The following C12orf42 variants were observed in gnomAD, a reference collection of about 807,000 sequenced individuals.
C12orf42 encodes the protein chromosome 12 open reading frame 42.
C12orf42 carries 25 observed loss-of-function variants against 21.6 expected under a neutral mutation model. The observed-to-expected ratio is 1.16, with a 90% CI of 0.84 to 1.62. The LOEUF (loss-of-function observed/expected upper bound fraction) is 1.62, where lower values mean the gene tolerates loss of function less well. Ranked by LOEUF, C12orf42 falls within the 40% of genes most tolerant of loss-of-function variation. The pLI, the probability that C12orf42 is intolerant of heterozygous loss-of-function variation, is 0.00. For missense variants in C12orf42, 483 were observed against 459.3 expected, an observed-to-expected ratio of 1.05 and a Z score of -0.47; for synonymous variants, 174 against 175.0, an observed-to-expected ratio of 0.99 and a Z score of 0.05.
At chr12:103,478,161 T>C (rs1314203622) in intron 2 of C12orf42, 188 bp downstream of exon 2, 9 of 507,728 alleles carry the variant, frequency 1.8e-5, no homozygotes, top group Non-Finnish European at 2.7e-5. Flanking sequence ...AAAAAAATAA[T>C]TTATGAAGGC....
At chr12:103,354,634 A>G (rs2043367018) in intron 4 of C12orf42, among the ~76,000 whole-genome samples, 1 of 152,164 alleles carries the variant, frequency 6.6e-6, no homozygotes, top group African/African-American at 2.4e-5. Flanking sequence ...TATTTGTTAG[A>G]TTGGTAAATG....
In C12orf42 at chr12:103,493,056, CA is replaced by C. The variant is rs558350127; in HGVS notation, c.-22+2845del. Among the ~76,000 whole-genome samples the C allele has an allele frequency of 4.3e-3, 652 of 152,318 alleles. 5 individuals are homozygous for C. Among genetic ancestry groups the C allele is most frequent in the Middle Eastern group, 0.014 (4 of 294 alleles). On this transcript the variant is annotated intron_variant, in intron 1 of 5. Transcript: ENST00000548883. ...CTGTTGCTTGTCTGGATTACTACAG[CA>C]GCCTTCTAACAGCTTCCTAACCACT...
At chr12:103,202,667 G>A in the C12orf42 span, among the ~76,000 whole-genome samples, 2 of 152,148 alleles carry the variant, frequency 1.3e-5, no homozygotes, top group Admixed American at 1.3e-4. Context: ...AATATAAGGA[G>A]CATTGCTTCT....
At chr12:103,389,785 C>T (rs189054256) in intron 3 of C12orf42, among the ~76,000 whole-genome samples, 5 of 152,254 alleles carry the variant, frequency 3.3e-5, no homozygotes, top group Admixed American at 6.5e-5. Context: ...AGAGAATTCA[C>T]GAGGCTCAGT....
At chr12:103,108,045 A>C in the C12orf42 span, among the ~76,000 whole-genome samples, 1 of 151,488 alleles carries the variant, frequency 6.6e-6, no homozygotes, top group African/African-American at 2.4e-5. Context: ...AGAAGACATG[A>C]GCAGATTTAT....
At chr12:103,118,242 G>A in the C12orf42 span, among the ~76,000 whole-genome samples, 10 of 152,168 alleles carry the variant, frequency 6.6e-5, no homozygotes, top group South Asian at 6.2e-4. Context: ...TTCTATCTCC[G>A]GTGCCTGGTA....
chr12:103,180,533 G>T, the C12orf42 span, among the ~76,000 whole-genome samples: 1 of 148,374 alleles, frequency 6.7e-6, no homozygotes, highest in Non-Finnish European at 1.5e-5. Flanking sequence ...TTATTGAAAT[G>T]CAGATTCCAG....
chr12:103,047,920 T>C, the C12orf42 span, among the ~76,000 whole-genome samples: 1 of 152,190 alleles, frequency 6.6e-6, no homozygotes, highest in Non-Finnish European at 1.5e-5. Context: ...AGAAATGGCG[T>C]AATGTCACTT....
chr12:103,529,068 CG>C, the C12orf42 span, among the ~76,000 whole-genome samples: 1 of 151,904 alleles, frequency 6.6e-6, no homozygotes, highest in South Asian at 2.1e-4. Context: ...AAAACAACAA[CG>C]AAAAAAAACG....
intron 4 of C12orf42, among the ~76,000 whole-genome samples, chr12:103,346,818 G>A (rs1018205146): frequency 6.6e-6 from 1 of 152,162 alleles, no homozygotes; most frequent in African/African-American, 2.4e-5. Flanking sequence ...CAGAACTGCA[G>A]GTTGAAGCAA....
intron 2 of C12orf42, among the ~76,000 whole-genome samples, chr12:103,437,089 G>A (rs1950785143): frequency 6.6e-6 from 1 of 151,662 alleles, no homozygotes; most frequent in Admixed American, 6.6e-5. Flanking sequence ...CTAGAACTCA[G>A]GATTAAGAAT....
chr12:103,487,136 G>A (rs1422604102), intron 1 of C12orf42, among the ~76,000 whole-genome samples: 1 of 152,172 alleles, frequency 6.6e-6, no homozygotes, highest in African/African-American at 2.4e-5. Flanking sequence ...ATGTGTCCCA[G>A]AGATTCTGGT....
At chr12:103,481,024 G>C (rs1425540511) in intron 1 of C12orf42, among the ~76,000 whole-genome samples, 3 of 151,422 alleles carry the variant, frequency 2.0e-5, no homozygotes, top group African/African-American at 7.3e-5. Flanking sequence ...TTTTTCTGTA[G>C]TTCAGTCAAT....
At chr12:103,384,541 C>T (rs1410491125) in intron 3 of C12orf42, among the ~76,000 whole-genome samples, 1 of 152,188 alleles carries the variant, frequency 6.6e-6, no homozygotes, top group East Asian at 1.9e-4. Context: ...GTAAAATACA[C>T]AGCAGTATTA....
chr12:103,144,350 G>T, the C12orf42 span, among the ~76,000 whole-genome samples: 1 of 152,214 alleles, frequency 6.6e-6, no homozygotes, highest in Non-Finnish European at 1.5e-5. Flanking sequence ...AGGCAACCTT[G>T]GCTGTGAATA....
chr12:103,300,189 T>C (rs193247519), downstream of C12orf42, among the ~76,000 whole-genome samples: 33 of 152,362 alleles, frequency 2.2e-4, no homozygotes, highest in Admixed American at 2.0e-3. Context: ...AAAACACGTA[T>C]GTGTTTACAC....
chr12:103,216,256 T>G, the C12orf42 span, among the ~76,000 whole-genome samples: 6 of 152,248 alleles, frequency 3.9e-5, no homozygotes, highest in Non-Finnish European at 7.3e-5. Context: ...ATGGATTCGC[T>G]TCTTTGCAGG....
the C12orf42 span, among the ~76,000 whole-genome samples, chr12:103,514,213 C>T: frequency 1.3e-5 from 2 of 152,132 alleles, no homozygotes; most frequent in Admixed American, 6.5e-5. Flanking sequence ...TGGGGGAAAC[C>T]GCCCTTATGA....
chr12:103,555,750 A>G, the C12orf42 span, among the ~76,000 whole-genome samples: 2 of 151,902 alleles, frequency 1.3e-5, no homozygotes, highest in African/African-American at 4.8e-5. Context: ...TAGAACATGC[A>G]TTTCAGAATT....
Sources: allele counts gnomAD v4.1 joint callset (sites outside exome capture counted in the v4.1 genomes callset), GRCh38; gene constraint gnomAD v4.1.1; transcripts MANE v1.5; gene names NCBI Gene and HGNC (gene_info 2026-07-23, HGNC 2026-07-21).